SPAG9: variants seen among roughly 807,000 people sequenced by gnomAD.
SPAG9 encodes sperm associated antigen 9.
SPAG9 carries 35 observed loss-of-function variants against 166.5 expected under a neutral mutation model. That is an observed-to-expected ratio of 0.21 (90% CI 0.16 to 0.28). The LOEUF (loss-of-function observed/expected upper bound fraction) is 0.28. Among genes scored for constraint, SPAG9 ranks in the 10% least tolerant of loss-of-function variants. SPAG9 has a pLI of 1.00. For synonymous variants in SPAG9, 534 were observed against 565.5 expected (o/e 0.94, Z 0.79); for missense variants, 1,235 against 1,603.3 (o/e 0.77, Z 3.92).
rs1434710894 is a variant in SPAG9, at chr17:51,112,546, C to CT, written c.303+7807dup. On this transcript the variant is annotated intron_variant, in intron 1 of 29. Transcript: ENST00000262013. Reference sequence around the variant, plus strand: ...ATTAGCTGGGTGTGATGGCGCGCGCCTGTAGTCCCAGCTACTCAGGAGGCT... The same window carrying CT: ...ATTAGCTGGGTGTGATGGCGCGCGCCTTGTAGTCCCAGCTACTCAGGAGGCT... 3.3e-5 allele frequency among the ~76,000 whole-genome samples: 5 copies of CT among 151,410 alleles called. No individual in the cohort carries two copies. The Admixed American group carries it at 3.3e-4, about 10-fold the overall frequency.
chr17:51,106,199 A>G (rs2048945862), intron 1 of SPAG9, among the ~76,000 whole-genome samples: 1 of 151,304 alleles, frequency 6.6e-6, no homozygotes. Flanking sequence ...GCTACTCAGG[A>G]GGTTGAGGCA....
intron 4 of SPAG9, among the ~76,000 whole-genome samples, chr17:51,042,077 G>A (rs1039423621): frequency 4.6e-5 from 7 of 152,130 alleles, no homozygotes; most frequent in Non-Finnish European, 1.0e-4. Context: ...GATGTTTACT[G>A]AAGCTTCTTC....
intron 20 of SPAG9, chr17:50,990,167 A>G (rs1459004416): frequency 3.9e-6 from 2 of 515,060 alleles, no homozygotes; most frequent in African/African-American, 3.8e-5. Context: ...AGCTGGGACT[A>G]CAGGCACCCG....
intron 11 of SPAG9, among the ~76,000 whole-genome samples, chr17:51,005,514 G>A (rs1316159162): frequency 2.0e-5 from 3 of 152,192 alleles, no homozygotes. Flanking sequence ...AAAGATGTTT[G>A]AACAGTCTCT....
Position 51,080,713 on chromosome 17 carries a change from T to C in SPAG9, c.304-1009A>G, listed in dbSNP as rs200557080. 1.4e-4 allele frequency among the ~76,000 whole-genome samples: 22 copies of C among 151,922 alleles called. No individual in the cohort carries two copies. The East Asian group carries it at 4.3e-3, about 29-fold the overall frequency. On this transcript the variant is annotated intron_variant, in intron 1 of 29. Transcript: ENST00000262013. ...CTGGCCAACATGCTGAAACCCTGTC[T>C]CCACTAAAAATACAAAAATTAGCTG... is the stretch of plus-strand genomic sequence containing the variant.
At chr17:51,003,964 A>G (rs2045079094) in intron 12 of SPAG9, among the ~76,000 whole-genome samples, 1 of 152,264 alleles carries the variant, frequency 6.6e-6, no homozygotes, top group African/African-American at 2.4e-5. Flanking sequence ...GAAAATAAAT[A>G]CATAAATTGT....
At chr17:51,031,234 T>C (rs1018148003) in intron 6 of SPAG9, 1 of 188,734 alleles carries the variant, frequency 5.3e-6, no homozygotes, top group African/African-American at 2.4e-5. Context: ...TCTTAACAGA[T>C]GTTTGATGAA....
At chr17:50,989,899 A>G (rs200438537) in intron 20 of SPAG9, 27 bp from the exon 21 acceptor site, 1 of 1,600,220 alleles carries the variant, frequency 6.2e-7, no homozygotes, top group Non-Finnish European at 8.6e-7. Flanking sequence ...ACACTATTCC[A>G]AGTCTGGGCT....
chr17:51,038,319 A>T (rs945927285), intron 5 of SPAG9, among the ~76,000 whole-genome samples: 2 of 152,190 alleles, frequency 1.3e-5, no homozygotes. Context: ...GCTGACGAGT[A>T]CCCCAACATT....
At chr17:51,024,955 G>A (rs1265645712) in intron 6 of SPAG9, among the ~76,000 whole-genome samples, 2 of 150,448 alleles carry the variant, frequency 1.3e-5, no homozygotes, top group Non-Finnish European at 2.9e-5. Flanking sequence ...GGAGGCAGAG[G>A]TTTCAGTGAG....
chr17:51,080,723 A>G (rs1438986694), intron 1 of SPAG9, among the ~76,000 whole-genome samples: 1 of 151,976 alleles, frequency 6.6e-6, no homozygotes, highest in African/African-American at 2.4e-5. Flanking sequence ...TCCACTAAAA[A>G]TACAAAAATT....
rs947995530 is a variant in SPAG9, at chr17:51,056,592, CAG to C, written c.425-112_425-111del. ...CATAATCCTTAGCAACTTTCAGACT[CAG>C]TGTTCCATATGCAAGTCTTCACAAA... On this transcript the variant is annotated intron_variant, in intron 2 of 29. Coordinates refer to ENST00000262013, the MANE Select transcript of SPAG9 (RefSeq NM_001130528.3). 5.9e-6 allele frequency: 4 copies of C among 677,664 alleles called. No individual in the cohort carries two copies. The African/African-American group carries it at 7.2e-5, about 12-fold the overall frequency. The allele number at this position is 677,664 out of a possible 1,614,324, so 42.0% of individuals were successfully genotyped here.
At chr17:50,990,336 CTTCTTTCAAG>C (rs2143820707) in intron 20 of SPAG9, 104 bp downstream of exon 20, 1 of 865,652 alleles carries the variant, frequency 1.2e-6, no homozygotes, top group South Asian at 1.5e-5. Context: ...CCTACAGTAT[CTTCTTTCAAG>C]TTCTTTCAAC....
At chr17:50,967,037 A>G (rs1185907949) in intron 29 of SPAG9, among the ~76,000 whole-genome samples, 1 of 152,218 alleles carries the variant, frequency 6.6e-6, no homozygotes, top group Non-Finnish European at 1.5e-5. Flanking sequence ...GCCAAGATAC[A>G]GGTTCTTCTG....
intron 26 of SPAG9, among the ~76,000 whole-genome samples, chr17:50,977,579 C>G (rs1974292888): frequency 6.6e-6 from 1 of 152,008 alleles, no homozygotes; most frequent in South Asian, 2.1e-4. Flanking sequence ...AAAACCAAAC[C>G]AACACATAAA....
At chr17:51,105,872 AAAAG>A (rs1025782665) in intron 1 of SPAG9, among the ~76,000 whole-genome samples, 5 of 151,920 alleles carry the variant, frequency 3.3e-5, no homozygotes, top group African/African-American at 1.2e-4. Context: ...GTCTCAAAAA[AAAAG>A]AGAAAAAGAA....
intron 8 of SPAG9, among the ~76,000 whole-genome samples, chr17:51,018,809 T>C (rs1403205672): frequency 6.6e-6 from 1 of 152,174 alleles, no homozygotes; most frequent in Non-Finnish European, 1.5e-5. Context: ...GTGTGTTTCA[T>C]GCCCTCAAAG....
intron 1 of SPAG9, among the ~76,000 whole-genome samples, chr17:51,086,478 T>C (rs1351041290): frequency 2.0e-5 from 3 of 147,700 alleles, no homozygotes; most frequent in Admixed American, 2.0e-4. Context: ...CCATCTCTAC[T>C]GAAAACACGA....
chr17:50,970,594 G>T, intron 29 of SPAG9, 113 bp downstream of exon 29: 1 of 827,346 alleles, frequency 1.2e-6, no homozygotes, highest in Non-Finnish European at 1.8e-6. Context: ...TGTGTAAAGA[G>T]CTCAAAGAGA....
Sources: allele counts gnomAD v4.1 joint callset (sites outside exome capture counted in the v4.1 genomes callset), GRCh38; gene constraint gnomAD v4.1.1; transcripts MANE v1.5; gene names NCBI Gene and HGNC (gene_info 2026-07-23, HGNC 2026-07-21).